NARS1: variants seen among roughly 807,000 people sequenced by gnomAD.
The protein encoded by NARS1 is asparagine--tRNA ligase, cytoplasmic.
Under a neutral mutation model 79.2 loss-of-function variants are expected in NARS1, and 65 were observed. The ratio of observed to expected loss-of-function variants is 0.82; its 90% CI spans 0.67 to 1.01. NARS1 has a LOEUF of 1.01. Ranked by LOEUF, NARS1 falls within the 50% of genes least tolerant of loss-of-function variation. The pLI, the probability that NARS1 is intolerant of heterozygous loss-of-function variation, is 0.00. For missense variants in NARS1, 649 were observed against 673.8 expected (o/e 0.96, Z 0.41); for synonymous variants, 229 against 238.8 (o/e 0.96, Z 0.38).
chr18:57,608,229 T>C (rs1568164071), intron 7 of NARS1, among the ~76,000 whole-genome samples: 1 of 151,794 alleles, frequency 6.6e-6, no homozygotes, highest in Non-Finnish European at 1.5e-5. Context: ...GGCGGGTGGA[T>C]AACGAGGTCA....
At chr18:57,621,643 C>A in intron 1 of NARS1, 65 bp downstream of exon 1, 1 of 1,384,388 alleles carries the variant, frequency 7.2e-7, no homozygotes. Context: ...AGCGCCGAAA[C>A]CCGACTGGAG....
Position 57,613,685 on chromosome 18 carries a change from C to T in NARS1, c.343-5G>A. 4 of 1,611,218 alleles carry T rather than the reference C, an allele frequency of 2.5e-6. No homozygotes were observed. The highest frequency in any genetic ancestry group is 1.3e-5 in the African/African-American group (1 of 74,938). ...TTCTAACGCACCAATCTTCACCTGTCAAATTGAAATAAACAACATTTGTTC... is the reference window on the plus strand; with the variant it reads ...TTCTAACGCACCAATCTTCACCTGTTAAATTGAAATAAACAACATTTGTTC... On this transcript the variant is annotated splice_region_variant and splice_polypyrimidine_tract_variant and intron_variant, in intron 4 of 13. Coordinates refer to ENST00000256854, the MANE Select transcript of NARS1 (RefSeq NM_004539.4).
At chr18:57,621,631 A>G (rs764494736) in intron 1 of NARS1, 77 bp downstream of exon 1, 20 of 1,231,752 alleles carry the variant, frequency 1.6e-5, no homozygotes, top group Non-Finnish European at 2.3e-5. Context: ...GGCACTAAGG[A>G]AAGCGCCGAA....
At chr18:57,606,797 G>C in intron 9 of NARS1, 46 bp from the exon 10 acceptor site, 1 of 1,607,340 alleles carries the variant, frequency 6.2e-7, no homozygotes. Context: ...TCCTGCACTG[G>C]TTTTTTATCC....
intron 3 of NARS1, 21 bp downstream of exon 3, chr18:57,615,796 G>A (rs768800315): frequency 1.4e-5 from 22 of 1,610,572 alleles, no homozygotes; most frequent in South Asian, 3.3e-5. Context: ...CAACGTTCAC[G>A]ATGGCAAGGT....
At chr18:57,616,178 G>A (rs748207791) in intron 2 of NARS1, among the ~76,000 whole-genome samples, 7 of 152,094 alleles carry the variant, frequency 4.6e-5, no homozygotes, top group Admixed American at 3.3e-4. Context: ...TGTAATCCCA[G>A]CACTTTGGAA....
rs1195594744 is a variant in NARS1, at chr18:57,613,689, T to C, written c.343-9A>G. 7.5e-6 allele frequency: 12 copies of C among 1,609,344 alleles called. No individual in the cohort carries two copies. The highest frequency in any genetic ancestry group is 1.1e-5 in the South Asian group (1 of 90,730). On this transcript the variant is annotated splice_polypyrimidine_tract_variant and intron_variant, in intron 4 of 13. Coordinates refer to ENST00000256854, the MANE Select transcript of NARS1 (RefSeq NM_004539.4). ...AACGCACCAATCTTCACCTGTCAAA[T>C]TGAAATAAACAACATTTGTTCAATA...
chr18:57,619,868 T>G (rs942199805), intron 2 of NARS1, among the ~76,000 whole-genome samples: 14 of 152,022 alleles, frequency 9.2e-5, no homozygotes, highest in African/African-American at 3.4e-4. Context: ...TTATGTTTTT[T>G]GTAGAGCCAG....
At chr18:57,618,593 C>T (rs772006934) in intron 2 of NARS1, among the ~76,000 whole-genome samples, 9 of 152,112 alleles carry the variant, frequency 5.9e-5, no homozygotes, top group Admixed American at 6.6e-5. Context: ...AAGATTTCCC[C>T]TTAAGAGTGG....
intron 11 of NARS1, 36 bp downstream of exon 11, chr18:57,605,821 C>T (rs375308276): frequency 7.1e-7 from 1 of 1,410,310 alleles, no homozygotes; most frequent in African/African-American, 1.4e-5. Flanking sequence ...GGAGCCCAAT[C>T]CCACCTTGGA....
intron 5 of NARS1, 82 bp from the exon 6 acceptor site, chr18:57,611,789 G>A: frequency 1.5e-6 from 1 of 669,802 alleles, no homozygotes; most frequent in South Asian, 3.3e-5. Context: ...TAAAGATAGG[G>A]TCTCACTTCG....
At chr18:57,611,747 A>C in intron 5 of NARS1, 40 bp from the exon 6 acceptor site, 1,540 of 1,220,292 alleles carry the variant, frequency 1.3e-3, no homozygotes, top group Non-Finnish European at 1.6e-3. Flanking sequence ...GACTGTTCTC[A>C]AGGCATTAAA....
intron 6 of NARS1, 124 bp downstream of exon 6, chr18:57,611,513 G>A: frequency 1.6e-6 from 1 of 614,496 alleles, no homozygotes; most frequent in Non-Finnish European, 2.7e-6. Context: ...TATACAATGT[G>A]ATGTTTTGAT....
At chr18:57,620,681 T>G in intron 1 of NARS1, 30 bp from the exon 2 acceptor site, 1 of 1,430,586 alleles carries the variant, frequency 7.0e-7, no homozygotes, top group Non-Finnish European at 9.8e-7. Flanking sequence ...TAAGTTATGG[T>G]CTGGCCATTA....
At chr18:57,607,038 G>T (rs1204749095) in intron 9 of NARS1, 96 bp downstream of exon 9, 96 of 1,335,120 alleles carry the variant, frequency 7.2e-5, no homozygotes, top group Non-Finnish European at 9.3e-5. Context: ...ATATCAGTTG[G>T]TTTTTTTTAA....
At chr18:57,612,505 G>A (rs143249197) in intron 5 of NARS1, among the ~76,000 whole-genome samples, 1,695 of 151,542 alleles carry the variant, frequency 0.011, 25 homozygotes, top group African/African-American at 0.038. Flanking sequence ...GCATGATCTC[G>A]GCTCACTGCA....
intron 2 of NARS1, among the ~76,000 whole-genome samples, chr18:57,620,038 A>G (rs769500987): frequency 6.6e-6 from 1 of 152,222 alleles, no homozygotes; most frequent in Non-Finnish European, 1.5e-5. Context: ...AACTCATTCA[A>G]GGATTCTAGA....
chr18:57,607,907 G>A (rs890034183), intron 7 of NARS1, among the ~76,000 whole-genome samples: 5 of 145,216 alleles, frequency 3.4e-5, no homozygotes, highest in Non-Finnish European at 6.0e-5. Flanking sequence ...TCACTCTGTC[G>A]CCCAGGCTGG....
chr18:57,613,004 A>G lies in NARS1; in HGVS notation c.421+598T>C, dbSNP rs762591474. ...ATTTACTGGACGCATCTTCATCACT[A>G]TAATTGCTAACCATTAAAAGAGCAT... On this transcript the variant is annotated intron_variant, in intron 5 of 13. Coordinates refer to ENST00000256854, the MANE Select transcript of NARS1 (RefSeq NM_004539.4). 7.2e-5 allele frequency among the ~76,000 whole-genome samples: 11 copies of G among 152,186 alleles called. 1 individual carries two copies. The highest frequency in any genetic ancestry group is 5.2e-4 in the Admixed American group (8 of 15,272).
Sources: allele counts gnomAD v4.1 joint callset (sites outside exome capture counted in the v4.1 genomes callset), GRCh38; gene constraint gnomAD v4.1.1; transcripts MANE v1.5; gene names NCBI Gene and HGNC (gene_info 2026-07-23, HGNC 2026-07-21).